Variants in FHIT observed in about 807,000 individuals in gnomAD.
The protein encoded by FHIT is fragile histidine triad diadenosine triphosphatase, also known as bis(5'-adenosyl)-triphosphatase.
FHIT carries 19 observed loss-of-function variants against 17.9 expected under a neutral mutation model. That is an observed-to-expected ratio of 1.06 (90% CI 0.74 to 1.56). FHIT has a LOEUF of 1.56. Among genes scored for constraint, FHIT ranks in the 40% most tolerant of loss-of-function variants. FHIT has a pLI of 0.00. For synonymous variants in FHIT, 81 were observed against 69.7 expected, an observed-to-expected ratio of 1.16 and a Z score of -0.81; for missense variants, 248 against 189.2, an observed-to-expected ratio of 1.31 and a Z score of -1.82.
At chr3:60,957,395 A>G (rs1449920110) in intron 3 of FHIT, among the ~76,000 whole-genome samples, 1 of 151,554 alleles carries the variant, frequency 6.6e-6, no homozygotes, top group Admixed American at 6.6e-5. Context: ...GTGCCACCAC[A>G]CCTGGCTAAT....
intron 1 of FHIT, among the ~76,000 whole-genome samples, chr3:61,225,150 G>C (rs2039937632): frequency 6.6e-6 from 1 of 152,166 alleles, no homozygotes; most frequent in South Asian, 2.1e-4. Context: ...ACAGCATGAA[G>C]GAATTGATTC....
intron 5 of FHIT, among the ~76,000 whole-genome samples, chr3:60,359,383 C>T (rs769418874): frequency 4.1e-5 from 6 of 145,672 alleles, no homozygotes; most frequent in Admixed American, 7.2e-5. Context: ...TGGGTTCAAG[C>T]GATTCTCCTG....
At chr3:59,841,891 T>C (rs1196452571) in intron 8 of FHIT, among the ~76,000 whole-genome samples, 1 of 152,222 alleles carries the variant, frequency 6.6e-6, no homozygotes. Flanking sequence ...ATTTCTTTTA[T>C]TGTGGTAGAA....
chr3:61,185,068 C>G (rs1227156954), intron 2 of FHIT, among the ~76,000 whole-genome samples: 2 of 152,126 alleles, frequency 1.3e-5, no homozygotes, highest in Non-Finnish European at 2.9e-5. Flanking sequence ...TATAAATAGA[C>G]TTTTTCCCCC....
intron 5 of FHIT, among the ~76,000 whole-genome samples, chr3:60,053,338 A>G (rs1701958468): frequency 6.7e-6 from 1 of 150,116 alleles, no homozygotes; most frequent in Non-Finnish European, 1.5e-5. Flanking sequence ...CCATTATGTC[A>G]GAGACTTCTG....
intron 8 of FHIT, among the ~76,000 whole-genome samples, chr3:59,821,110 G>A (rs951139064): frequency 1.3e-5 from 2 of 152,142 alleles, no homozygotes; most frequent in African/African-American, 2.4e-5. Context: ...AAGCTTGAGC[G>A]CCACCATCTT....
At chr3:59,992,671 C>A (rs1404212638) in intron 7 of FHIT, among the ~76,000 whole-genome samples, 1 of 151,972 alleles carries the variant, frequency 6.6e-6, no homozygotes, top group Non-Finnish European at 1.5e-5. Flanking sequence ...TGCTTTGTGC[C>A]TCCTTAATTT....
chr3:60,788,757 C>T (rs1228189166), intron 4 of FHIT, among the ~76,000 whole-genome samples: 3 of 152,134 alleles, frequency 2.0e-5, no homozygotes, highest in Non-Finnish European at 2.9e-5. Context: ...TATACACATA[C>T]ACATTTGCAT....
At position 60,335,996 on chromosome 3, in the gene FHIT, GCTTT is replaced by G. The variant is rs1710220923; in HGVS notation, c.103+200860_103+200863del. 2.0e-5 allele frequency among the ~76,000 whole-genome samples: 3 copies of G among 152,146 alleles called. No homozygotes were observed. The South Asian group carries it at 6.2e-4, about 32-fold the overall frequency. ...TCTGACAGAAAACATGAAAAAGTGTGCTTTCTATCATAATGATTATTTTTCAGAT... is the reference window on the plus strand; with the variant it reads ...TCTGACAGAAAACATGAAAAAGTGTGCTATCATAATGATTATTTTTCAGAT... On this transcript the variant is annotated intron_variant, in intron 5 of 9. Transcript: ENST00000492590.
intron 8 of FHIT, among the ~76,000 whole-genome samples, chr3:59,784,637 A>G (rs1365396196): frequency 2.0e-5 from 3 of 152,158 alleles, no homozygotes; most frequent in Non-Finnish European, 4.4e-5. Context: ...TGAATCACAT[A>G]GTGATTCTTT....
At chr3:61,237,783 C>T (rs6789174) in intron 1 of FHIT, among the ~76,000 whole-genome samples, 14,421 of 152,096 alleles carry the variant, frequency 0.095, 2,296 homozygotes, top group African/African-American at 0.33. Flanking sequence ...TACAGGAAAG[C>T]GAAGCTCAGA....
At chr3:60,422,836 A>T (rs1432628735) in intron 5 of FHIT, among the ~76,000 whole-genome samples, 2 of 152,002 alleles carry the variant, frequency 1.3e-5, no homozygotes, top group African/African-American at 2.4e-5. Context: ...ATGAGATCCA[A>T]ATTCTTCAAC....
intron 5 of FHIT, among the ~76,000 whole-genome samples, chr3:60,153,053 C>T (rs1215681663): frequency 6.6e-6 from 1 of 152,096 alleles, no homozygotes; most frequent in Non-Finnish European, 1.5e-5. Flanking sequence ...TTTCTCACTG[C>T]CTCTGTTTAT....
intron 3 of FHIT, among the ~76,000 whole-genome samples, chr3:60,947,132 A>C (rs1708676093): frequency 6.6e-6 from 1 of 152,186 alleles, no homozygotes; most frequent in South Asian, 2.1e-4. Context: ...AAGTTTGTAC[A>C]TTTGTAGCAG....
At chr3:61,033,105 C>A (rs938567909) in intron 3 of FHIT, among the ~76,000 whole-genome samples, 1 of 152,226 alleles carries the variant, frequency 6.6e-6, no homozygotes, top group Non-Finnish European at 1.5e-5. Flanking sequence ...GTGACTTTTA[C>A]TTAGTCTGCT....
At chr3:59,805,333 T>C (rs1350415470) in intron 8 of FHIT, among the ~76,000 whole-genome samples, 2 of 152,162 alleles carry the variant, frequency 1.3e-5, no homozygotes, top group Non-Finnish European at 2.9e-5. Context: ...GTTCAGGACA[T>C]GCTTCCCCAA....
intron 5 of FHIT, among the ~76,000 whole-genome samples, chr3:60,316,305 ATCTGC>A (rs1420234233): frequency 6.6e-6 from 1 of 152,180 alleles, no homozygotes; most frequent in Non-Finnish European, 1.5e-5. Flanking sequence ...ATTTTTATAG[ATCTGC>A]CTCTTTGCCA....
chr3:60,849,724 A>G (rs1703072169), intron 3 of FHIT, among the ~76,000 whole-genome samples: 1 of 151,992 alleles, frequency 6.6e-6, no homozygotes, highest in South Asian at 2.1e-4. Flanking sequence ...ATGCACTTGG[A>G]GTCTTCACCC....
At chr3:60,724,103 C>T (rs1327127802) in intron 4 of FHIT, among the ~76,000 whole-genome samples, 1 of 152,128 alleles carries the variant, frequency 6.6e-6, no homozygotes, top group Non-Finnish European at 1.5e-5. Flanking sequence ...TTTCATCACC[C>T]CACAAAGAAA....
Sources: gnomAD v4.1 joint callset for allele counts (sites outside exome capture counted in the v4.1 genomes callset) on GRCh38, gnomAD v4.1.1 for gene constraint, MANE v1.5 for transcripts, NCBI Gene and HGNC (gene_info 2026-07-23, HGNC 2026-07-21) for gene names.